APPL2: variants seen among roughly 807,000 people sequenced by gnomAD.
The protein encoded by APPL2 is DCC-interacting protein 13-beta.
A neutral mutation model predicts 92.7 loss-of-function variants in APPL2; 84 were observed. The ratio of observed to expected loss-of-function variants is 0.91; its 90% CI spans 0.76 to 1.09. APPL2 has a LOEUF of 1.09. APPL2 is among the 50% of genes least tolerant of loss of function. The probability of loss-of-function intolerance (pLI) is 0.00; values close to 1 mark genes in which losing one functional copy is unlikely to be tolerated. For synonymous variants in APPL2, 291 were observed against 291.0 expected (o/e 1.00, Z 0.00); for missense variants, 736 against 824.5 (o/e 0.89, Z 1.31).
At chr12:105,206,734 C>T in intron 8 of APPL2, 1 of 217,588 alleles carries the variant, frequency 4.6e-6, no homozygotes, top group South Asian at 9.0e-5. Flanking sequence ...ATCCCAACCC[C>T]AGTGGTAGCT....
intron 4 of APPL2, among the ~76,000 whole-genome samples, chr12:105,214,621 T>G (rs1231704256): frequency 1.3e-5 from 2 of 152,204 alleles, no homozygotes; most frequent in Non-Finnish European, 2.9e-5. Flanking sequence ...CCCTTGTAAT[T>G]TCCTCATCAA....
intron 17 of APPL2, among the ~76,000 whole-genome samples, chr12:105,181,644 T>C (rs916207760): frequency 1.3e-5 from 2 of 152,202 alleles, no homozygotes; most frequent in Non-Finnish European, 2.9e-5. Context: ...TCAGAACTTG[T>C]TATCGGTCTA....
rs755862072 is a variant in APPL2 at position 105,197,838 on chromosome 12, T to C, written c.979A>G (p.Asn327Asp). 22 of 1,614,076 alleles carry C rather than the reference T, an allele frequency of 1.4e-5. No individual in the cohort carries two copies. In the African/African-American group the frequency reaches 2.5e-4, roughly 19 times the overall value. ...CAATCCACGGCCATCACTGAGCAGTTGTCCAGGTCCTGGATCAAACCTCCA... is the reference window on the plus strand; with the variant it reads ...CAATCCACGGCCATCACTGAGCAGTCGTCCAGGTCCTGGATCAAACCTCCA... Reference protein sequence around the residue: ...VAGGLIQDLDNCSVMAVDCED... With the variant: ...VAGGLIQDLDDCSVMAVDCED... Residue 327 changes from asparagine (N) to aspartate (D), a missense_variant, in exon 11 of 21, where the codon AAC becomes GAC. Transcript: ENST00000258530.
chr12:105,229,201 A>T lies in APPL2; in HGVS notation c.77T>A (p.Phe26Tyr), dbSNP rs763736332. 1.9e-6 allele frequency: 3 copies of T among 1,613,872 alleles called. No homozygotes were observed. The highest frequency in any genetic ancestry group is 2.5e-6 in the Non-Finnish European group (3 of 1,179,890). The part of the protein sequence containing the change: ...SPQTRSLLSV[F>Y]EEDAGTLTDY... ...TGTGAGGGTGCCAGCATCTTCTTCA[A>T]ACACGCTCAGTAAAGAGCGAGTCTG... The change falls in exon 2 of 21, where the codon TTT (phenylalanine) becomes TAT (tyrosine). Residue 26 changes from phenylalanine to tyrosine, a missense_variant. Coordinates refer to ENST00000258530, the MANE Select transcript of APPL2 (RefSeq NM_018171.5).
At chr12:105,206,977 G>C in intron 8 of APPL2, 84 bp downstream of exon 8, 1 of 1,497,534 alleles carries the variant, frequency 6.7e-7, no homozygotes, top group Admixed American at 2.2e-5. Context: ...TTTCTACGAC[G>C]ATGCTTCAGT....
intron 2 of APPL2, 41 bp from the exon 3 acceptor site, chr12:105,217,766 G>A: frequency 1.3e-6 from 2 of 1,583,640 alleles, no homozygotes; most frequent in Non-Finnish European, 1.7e-6. Flanking sequence ...TTAGTCCAAT[G>A]TATACATAGT....
chr12:105,225,549 C>T (rs1365730920), intron 2 of APPL2, among the ~76,000 whole-genome samples: 10 of 152,170 alleles, frequency 6.6e-5, no homozygotes. Context: ...TCTATTTAGA[C>T]ATAACTGAAG....
chr12:105,177,395 T>C lies in APPL2; in HGVS notation c.1635-133A>G, dbSNP rs530830792. The C allele has an allele frequency of 8.8e-4, 800 of 904,542 alleles. 5 individuals are homozygous for C. In the African/African-American group the frequency reaches 0.012, roughly 13 times the overall value. 56.0% of individuals were successfully genotyped at this position (904,542 alleles called of 1,614,324 possible). The stretch of plus-strand genomic sequence containing the variant: ...AAGCCTGTTAGAGGGTGAGGCGAGA[T>C]AGCTGTGTGTGACCACGTGTCCTGC... On this transcript the variant is annotated intron_variant, in intron 17 of 20. Coordinates refer to ENST00000258530, the MANE Select transcript of APPL2 (RefSeq NM_018171.5).
intron 2 of APPL2, among the ~76,000 whole-genome samples, chr12:105,227,898 G>A (rs914355924): frequency 4.0e-4 from 61 of 152,306 alleles, no homozygotes; most frequent in African/African-American, 1.4e-3. Flanking sequence ...GTTCCTGGAT[G>A]CTATTAAGTA....
At chr12:105,184,801 C>T (rs1886442767) in intron 17 of APPL2, among the ~76,000 whole-genome samples, 1 of 152,242 alleles carries the variant, frequency 6.6e-6, no homozygotes, top group Non-Finnish European at 1.5e-5. Flanking sequence ...AGACCTGCTG[C>T]TCTCTTGAGA....
chr12:105,206,819 A>G (rs966245282), intron 8 of APPL2: 11 of 405,050 alleles, frequency 2.7e-5, no homozygotes, highest in Admixed American at 4.2e-5. Context: ...CTTCCCCAAG[A>G]GAGGCTTGGG....
chr12:105,189,920 G>A, intron 15 of APPL2, 71 bp downstream of exon 15: 1 of 1,610,276 alleles, frequency 6.2e-7, no homozygotes, highest in East Asian at 2.2e-5. Flanking sequence ...AGTCTTTGGT[G>A]GTGGAGGGGG....
chr12:105,218,779 T>C (rs538677529), intron 2 of APPL2, among the ~76,000 whole-genome samples: 10 of 152,262 alleles, frequency 6.6e-5, no homozygotes, highest in African/African-American at 2.4e-4. Flanking sequence ...CTGGCAATGA[T>C]GGATGGTAAC....
chr12:105,216,536 T>C (rs933695930), intron 4 of APPL2, among the ~76,000 whole-genome samples: 1 of 151,912 alleles, frequency 6.6e-6, no homozygotes, highest in African/African-American at 2.4e-5. Context: ...GCCAAGTGCC[T>C]GTATAAAAAG....
At chr12:105,216,286 G>T (rs1889684767) in intron 4 of APPL2, among the ~76,000 whole-genome samples, 1 of 152,142 alleles carries the variant, frequency 6.6e-6, no homozygotes, top group South Asian at 2.1e-4. Context: ...GGCTTAGACA[G>T]GAGGATCCTT....
At chr12:105,207,301 A>G (rs1309594439) in intron 7 of APPL2, 94 bp from the exon 8 acceptor site, 2 of 1,266,106 alleles carry the variant, frequency 1.6e-6, no homozygotes, top group African/African-American at 3.0e-5. Flanking sequence ...TATGCATTAT[A>G]ACCATTTTTG....
intron 17 of APPL2, among the ~76,000 whole-genome samples, chr12:105,186,692 C>CATAT (rs370327440): frequency 5.5e-5 from 3 of 54,056 alleles, no homozygotes; most frequent in Admixed American, 2.3e-4. Context: ...ATATATATAT[C>CATAT]ATATATCATA....
chr12:105,185,929 T>C (rs547766221), intron 17 of APPL2, among the ~76,000 whole-genome samples: 2 of 152,248 alleles, frequency 1.3e-5, no homozygotes, highest in East Asian at 3.9e-4. Context: ...CATTAAGCAG[T>C]TACTCATTCC....
At position 105,215,225 on chromosome 12, in the gene APPL2, AG is replaced by A. The variant is rs902185107; in HGVS notation, c.285+1843del. ...GCAATTGGCATCTGAAGTGTGGGGG[AG>A]GGGGTAGTCTGGCGGGATCATGCCC... On this transcript the variant is annotated intron_variant, in intron 4 of 20. Coordinates refer to ENST00000258530, the MANE Select transcript of APPL2 (RefSeq NM_018171.5). Among the ~76,000 whole-genome samples, 7 of 151,930 alleles carry A rather than the reference AG, an allele frequency of 4.6e-5. 1 individual carries two copies. Among genetic ancestry groups the A allele is most frequent in the Admixed American group, 2.6e-4 (4 of 15,240 alleles).
Sources: allele counts gnomAD v4.1 joint callset (sites outside exome capture counted in the v4.1 genomes callset), GRCh38; gene constraint gnomAD v4.1.1; transcripts MANE v1.5; gene names NCBI Gene and HGNC (gene_info 2026-07-23, HGNC 2026-07-21).